The following HAT1 variants were observed in gnomAD, a reference collection of about 807,000 sequenced individuals.
HAT1 encodes histone acetyltransferase type B catalytic subunit.
Under a neutral mutation model 56.6 loss-of-function variants are expected in HAT1, and 20 were observed. The ratio of observed to expected loss-of-function variants is 0.35; its 90% CI spans 0.25 to 0.51. The LOEUF (loss-of-function observed/expected upper bound fraction) is 0.51. Among genes scored for constraint, HAT1 ranks in the 20% least tolerant of loss-of-function variants. The pLI, the probability that HAT1 is intolerant of heterozygous loss-of-function variation, is 0.95. For synonymous variants in HAT1, 146 were observed against 165.5 expected (o/e 0.88, Z 0.91); for missense variants, 408 against 504.3 (o/e 0.81, Z 1.83).
chr2:171,954,764 A>G (rs543743802), intron 4 of HAT1, among the ~76,000 whole-genome samples: 1 of 152,340 alleles, frequency 6.6e-6, no homozygotes, highest in African/African-American at 2.4e-5. Context: ...ATGTCCTAAT[A>G]TCTGGAACCT....
At position 171,979,262 on chromosome 2, in the gene HAT1, G is replaced by T; in HGVS notation, c.991G>T (p.Val331Phe). The change falls in exon 10 of 11, where the codon GTT (valine) becomes TTT (phenylalanine). Residue 331 changes from valine to phenylalanine, a missense_variant. Coordinates refer to ENST00000264108, the MANE Select transcript of HAT1 (RefSeq NM_003642.4). The stretch of plus-strand genomic sequence containing the variant: ...TTCATTCTAGCAACACGCTAGAAGG[G>T]TTTATGAAATTCTTCGACTACTGGT... ...FKINKQHARR[V>F]YEILRLLVTD... 1 of 1,559,968 alleles carries T rather than the reference G, an allele frequency of 6.4e-7. No homozygotes were observed. The highest frequency in any genetic ancestry group is 8.7e-7 in the Non-Finnish European group (1 of 1,142,940).
At chr2:171,977,676 G>T (rs997602156) in intron 9 of HAT1, among the ~76,000 whole-genome samples, 1 of 149,292 alleles carries the variant, frequency 6.7e-6, no homozygotes, top group Non-Finnish European at 1.5e-5. Flanking sequence ...GCTTCAGCCT[G>T]TTAGTACTTT....
intron 4 of HAT1, among the ~76,000 whole-genome samples, chr2:171,955,388 G>T (rs571465438): frequency 1.3e-5 from 2 of 152,178 alleles, no homozygotes; most frequent in South Asian, 2.1e-4. Context: ...AAGGCGGGAG[G>T]ATCACCTGAG....
At chr2:171,966,748 C>A in intron 7 of HAT1, 95 bp from the exon 8 acceptor site, 1 of 668,318 alleles carries the variant, frequency 1.5e-6, no homozygotes, top group Non-Finnish European at 2.6e-6. Context: ...AAAGATCACA[C>A]AAACTTTAAA....
intron 4 of HAT1, among the ~76,000 whole-genome samples, chr2:171,955,174 C>A (rs1203247169): frequency 6.6e-6 from 1 of 152,114 alleles, no homozygotes; most frequent in South Asian, 2.1e-4. Context: ...GTTTTCATAC[C>A]AGGAAGTGGG....
At chr2:171,958,477 G>A (rs1166462349) in intron 4 of HAT1, among the ~76,000 whole-genome samples, 5 of 151,484 alleles carry the variant, frequency 3.3e-5, no homozygotes, top group Admixed American at 6.6e-5. Context: ...TTGTAGAGAC[G>A]GGGTCTTGCT....
chr2:171,929,231 G>T (rs1293168582), intron 2 of HAT1, among the ~76,000 whole-genome samples: 3 of 152,028 alleles, frequency 2.0e-5, no homozygotes, highest in Admixed American at 6.6e-5. Context: ...TGCTATTAAG[G>T]ATTGTTTTTT....
intron 2 of HAT1, among the ~76,000 whole-genome samples, chr2:171,938,024 TTCTCTCTCTCTCTCTCTCTC>T (rs374402453): frequency 0.055 from 5,762 of 104,852 alleles, 171 homozygotes; most frequent in Middle Eastern, 0.073. Context: ...TGTCTACTGA[TTCTCTCTCTCTCTCTCTCTC>T]TCTCTCTCTC....
At chr2:171,932,300 G>A (rs1435937410) in intron 2 of HAT1, among the ~76,000 whole-genome samples, 1 of 152,056 alleles carries the variant, frequency 6.6e-6, no homozygotes, top group Non-Finnish European at 1.5e-5. Flanking sequence ...AAATGAGTTG[G>A]GAACTGTTTC....
intron 4 of HAT1, among the ~76,000 whole-genome samples, chr2:171,958,111 C>T (rs1687489620): frequency 6.6e-6 from 1 of 151,966 alleles, no homozygotes; most frequent in Non-Finnish European, 1.5e-5. Context: ...ACTTACTTGG[C>T]CCTTTTTTAT....
intron 4 of HAT1, among the ~76,000 whole-genome samples, chr2:171,958,393 A>G (rs1050190866): frequency 2.6e-5 from 4 of 151,354 alleles, no homozygotes; most frequent in Admixed American, 6.6e-5. Flanking sequence ...CGTTTGTTAC[A>G]TAGGTATCTT....
At chr2:171,947,807 A>G (rs1023748595) in intron 3 of HAT1, among the ~76,000 whole-genome samples, 1 of 152,148 alleles carries the variant, frequency 6.6e-6, no homozygotes, top group African/African-American at 2.4e-5. Flanking sequence ...TCAACCTGGG[A>G]GGCAGAGGTT....
intron 10 of HAT1, chr2:171,980,863 A>AG (rs1423282821): frequency 7.0e-6 from 1 of 142,022 alleles, no homozygotes; most frequent in Non-Finnish European, 1.5e-5. Context: ...CTCAAAAAAA[A>AG]AAAAAAAATT....
intron 4 of HAT1, among the ~76,000 whole-genome samples, chr2:171,957,353 C>T (rs1447369393): frequency 6.6e-6 from 1 of 152,202 alleles, no homozygotes; most frequent in Admixed American, 6.5e-5. Context: ...TGCTTGGTGG[C>T]AGTGGCTCCT....
chr2:171,932,116 T>C (rs1033811967), intron 2 of HAT1, among the ~76,000 whole-genome samples: 33 of 152,348 alleles, frequency 2.2e-4, no homozygotes, highest in African/African-American at 7.5e-4. Context: ...GTGAATTACA[T>C]TGATGAGGTT....
chr2:171,982,983 CTT>C (rs946849830), intron 10 of HAT1, among the ~76,000 whole-genome samples, 200 bp from the exon 11 acceptor site: 3 of 151,812 alleles, frequency 2.0e-5, no homozygotes, highest in African/African-American at 7.3e-5. Context: ...CTTGTTAACT[CTT>C]TTTAGAGGGT....
chr2:171,928,252 A>G (rs992052418), intron 2 of HAT1, among the ~76,000 whole-genome samples: 2 of 152,202 alleles, frequency 1.3e-5, no homozygotes, highest in Non-Finnish European at 2.9e-5. Flanking sequence ...AGGTGAACAC[A>G]TTGCTGTTAG....
intron 8 of HAT1, among the ~76,000 whole-genome samples, chr2:171,975,757 G>T (rs1430198056): frequency 2.0e-5 from 3 of 151,454 alleles, no homozygotes; most frequent in Non-Finnish European, 2.9e-5. Context: ...TTTTTTTTCA[G>T]TCATTCTAAC....
intron 8 of HAT1, among the ~76,000 whole-genome samples, chr2:171,975,120 A>G (rs574987134): frequency 7.0e-6 from 1 of 143,424 alleles, no homozygotes; most frequent in South Asian, 2.2e-4. Flanking sequence ...TTTTTTTTTA[A>G]TGGAGATGGA....
Sources: allele counts gnomAD v4.1 joint callset (sites outside exome capture counted in the v4.1 genomes callset), GRCh38; gene constraint gnomAD v4.1.1; transcripts MANE v1.5; gene names NCBI Gene and HGNC (gene_info 2026-07-23, HGNC 2026-07-21).